The following ERCC6 variants were observed in gnomAD, a reference collection of about 807,000 sequenced individuals.
ERCC6 encodes ERCC excision repair 6, chromatin remodeling factor.
A neutral mutation model predicts 158.7 loss-of-function variants in ERCC6; 116 were observed. The observed-to-expected ratio is 0.73, with a 90% CI of 0.63 to 0.85. ERCC6 has a LOEUF of 0.85. Among genes scored for constraint, ERCC6 ranks in the 40% least tolerant of loss-of-function variants. The pLI, the probability that ERCC6 is intolerant of heterozygous loss-of-function variation, is 0.00. For missense variants in ERCC6, 1,698 were observed against 1,799.4 expected, an observed-to-expected ratio of 0.94 and a Z score of 1.02; for synonymous variants, 678 against 659.3, an observed-to-expected ratio of 1.03 and a Z score of -0.43.
In ERCC6 at chr10:49,500,699, A is replaced by G. The variant is rs1226164334; in HGVS notation, c.1527-3T>C. 1.9e-6 allele frequency: 3 copies of G among 1,613,410 alleles called. No homozygotes were observed. The highest frequency in any genetic ancestry group is 2.5e-6 in the Non-Finnish European group (3 of 1,179,770). On this transcript the variant is annotated splice_region_variant and splice_polypyrimidine_tract_variant and intron_variant, in intron 6 of 20. Transcript: ENST00000355832. Reference sequence around the variant, plus strand: ...ACCTAACACCTGTCTGCTGGTACCTATGACAACAAACACCAACAAGAAAAG... The same window carrying G: ...ACCTAACACCTGTCTGCTGGTACCTGTGACAACAAACACCAACAAGAAAAG...
chr10:49,452,943 G>C (rs551005502), downstream of ERCC6, among the ~76,000 whole-genome samples: 1 of 152,078 alleles, frequency 6.6e-6, no homozygotes, highest in South Asian at 2.1e-4. Context: ...ATCTATCTGT[G>C]TCTTTGAGCC....
intron 5 of ERCC6, among the ~76,000 whole-genome samples, chr10:49,522,310 A>G (rs994720281): frequency 6.6e-6 from 1 of 152,158 alleles, no homozygotes; most frequent in Non-Finnish European, 1.5e-5. Context: ...TGAGCATTTT[A>G]TTTTCTTTCA....
At chr10:49,508,814 C>T (rs1401171866) in intron 5 of ERCC6, among the ~76,000 whole-genome samples, 2 of 152,102 alleles carry the variant, frequency 1.3e-5, no homozygotes, top group African/African-American at 2.4e-5. Flanking sequence ...CCGACAAGTA[C>T]ACCACAACAC....
At chr10:49,501,054 CATAT>C (rs1479652652) in intron 6 of ERCC6, 13 of 264,448 alleles carry the variant, frequency 4.9e-5, no homozygotes, top group Non-Finnish European at 9.6e-5. Flanking sequence ...AAATATTTTT[CATAT>C]ATAAAGTTCC....
At chr10:49,479,261 G>T (rs1280767008) in intron 10 of ERCC6, among the ~76,000 whole-genome samples, 1 of 151,878 alleles carries the variant, frequency 6.6e-6, no homozygotes, top group East Asian at 1.9e-4. Flanking sequence ...TCCAACCAAA[G>T]TTTAAATTTA....
chr10:49,446,690 A>T, the ERCC6 span, among the ~76,000 whole-genome samples: 2 of 152,256 alleles, frequency 1.3e-5, no homozygotes, highest in South Asian at 4.2e-4. Context: ...AGGCGGGAGG[A>T]TCACTTGAGC....
chr10:49,507,095 G>A (rs1220119027), intron 5 of ERCC6, among the ~76,000 whole-genome samples: 1 of 152,172 alleles, frequency 6.6e-6, no homozygotes. Context: ...CATGCTGCCT[G>A]GCCAAAGGTA....
At position 49,483,353 on chromosome 10, in the gene ERCC6, C is replaced by A; in HGVS notation, c.1985G>T (p.Cys662Phe). 6.2e-7 allele frequency: 1 copy of A among 1,614,108 alleles called. No individual in the cohort carries two copies. The highest frequency in any genetic ancestry group is 1.3e-5 in the African/African-American group (1 of 75,058). The change falls in exon 9 of 21, where the codon TGC becomes TTC. Residue 662 changes from cysteine (C) to phenylalanine (F), a missense_variant. Cys to Phe is a radical substitution (Grantham distance 205). Transcript: ENST00000355832. ...TGTTAAAAGAGGTCATACCTGTTTGCAAGCAAGGGTGACAGCAGCATTTGG... is the reference window on the plus strand; with the variant it reads ...TGTTAAAAGAGGTCATACCTGTTTGAAAGCAAGGGTGACAGCAGCATTTGG... ...RNPNAAVTLA[C>F]KQFRTPHRII... is the part of the protein sequence containing the mutation.
At chr10:49,524,878 A>G in intron 4 of ERCC6, 101 bp from the exon 5 acceptor site, 1 of 1,545,232 alleles carries the variant, frequency 6.5e-7, no homozygotes, top group Non-Finnish European at 8.7e-7. Context: ...GCTACAAATA[A>G]CTCATATAAA....
At chr10:49,516,463 T>C in intron 5 of ERCC6, 4 of 1,614,228 alleles carry the variant, frequency 2.5e-6, no homozygotes, top group Non-Finnish European at 2.5e-6. Context: ...CGGTCACGTC[T>C]CATGGCAGCA....
chr10:49,444,192 C>T, the ERCC6 span, among the ~76,000 whole-genome samples: 13 of 152,126 alleles, frequency 8.5e-5, no homozygotes, highest in African/African-American at 2.9e-4. Flanking sequence ...GTGGACACTT[C>T]GACAAAGAGG....
Position 49,466,944 on chromosome 10 carries a change from C to A in ERCC6, c.3778+3238G>T, listed in dbSNP as rs1850686673. Among the ~76,000 whole-genome samples, 3 of 152,150 alleles carry A rather than the reference C, an allele frequency of 2.0e-5. No homozygotes were observed. In the South Asian group the frequency reaches 6.2e-4, roughly 32 times the overall value. On this transcript the variant is annotated intron_variant, in intron 18 of 20. Coordinates refer to ENST00000355832, the MANE Select transcript of ERCC6 (RefSeq NM_000124.4). ...GGGATTCCAGACACCCACCATCATG[C>A]CTAATTTTTGTATTTTTGTAGAGAT...
At chr10:49,482,901 C>T in intron 9 of ERCC6, 38 bp from the exon 10 acceptor site, 1 of 1,611,392 alleles carries the variant, frequency 6.2e-7, no homozygotes, top group Non-Finnish European at 8.5e-7. Context: ...ATTAAATTTA[C>T]CTTTTAGCAA....
chr10:49,534,141 A>AC (rs1232837985), intron 1 of ERCC6, among the ~76,000 whole-genome samples: 1 of 147,658 alleles, frequency 6.8e-6, no homozygotes, highest in Non-Finnish European at 1.5e-5. Context: ...CTCAAAAAAA[A>AC]AAAAAAAAAA....
At chr10:49,471,190 A>AAT in intron 16 of ERCC6, 70 bp from the exon 17 acceptor site, 1 of 1,489,866 alleles carries the variant, frequency 6.7e-7, no homozygotes, top group Non-Finnish European at 9.3e-7. Context: ...GTTATAAAGC[A>AAT]ATATAAGAGA....
At chr10:49,500,958 T>C (rs1381332568) in intron 6 of ERCC6, 3 of 420,292 alleles carry the variant, frequency 7.1e-6, no homozygotes, top group Admixed American at 7.9e-5. Context: ...TTAGAGACTA[T>C]TTCCTTTCTT....
the ERCC6 span, among the ~76,000 whole-genome samples, chr10:49,437,853 A>T: frequency 4.5e-4 from 68 of 152,332 alleles, no homozygotes; most frequent in East Asian, 1.5e-3. Flanking sequence ...AAAATATTTT[A>T]AAAAAGTAAT....
chr10:49,472,267 G>T, intron 16 of ERCC6, 109 bp downstream of exon 16: 1 of 967,810 alleles, frequency 1.0e-6, no homozygotes, highest in Non-Finnish European at 1.7e-6. Flanking sequence ...TTAAGTTATA[G>T]CAACTATTAT....
rs1491147583 is a variant in ERCC6, at chr10:49,526,114, T to TA, written c.653-1338_653-1337insT. Among the ~76,000 whole-genome samples, 510 of 73,088 alleles carry TA rather than the reference T, an allele frequency of 7.0e-3. 7 individuals are homozygous for TA. The highest frequency in any genetic ancestry group is 0.013 in the South Asian group (28 of 2,174). The allele number at this position is 73,088 out of a possible 152,430, so 47.9% of individuals were successfully genotyped here. On this transcript the variant is annotated intron_variant, in intron 4 of 20. Coordinates refer to ENST00000355832, the MANE Select transcript of ERCC6 (RefSeq NM_000124.4). Reference sequence around the variant, plus strand: ...ATTTATATATTTATATATTTATATATTTTTATATATATATATATATATATA... The same window carrying TA: ...ATTTATATATTTATATATTTATATATATTTTATATATATATATATATATATA...
Sources: gnomAD v4.1 joint callset for allele counts (sites outside exome capture counted in the v4.1 genomes callset) on GRCh38, gnomAD v4.1.1 for gene constraint, MANE v1.5 for transcripts, NCBI Gene and HGNC (gene_info 2026-07-23, HGNC 2026-07-21) for gene names.